Variants in ST3GAL6 observed in about 807,000 individuals in gnomAD.
ST3GAL6 encodes type 2 lactosamine alpha-2,3-sialyltransferase.
A neutral mutation model predicts 40.5 loss-of-function variants in ST3GAL6; 31 were observed. The observed-to-expected ratio is 0.77, with a 90% CI of 0.58 to 1.03. The LOEUF (loss-of-function observed/expected upper bound fraction) is 1.03. Ranked by LOEUF, ST3GAL6 falls within the 50% of genes least tolerant of loss-of-function variation. The probability of loss-of-function intolerance (pLI) is 0.00; values close to 1 mark genes in which losing one functional copy is unlikely to be tolerated. For synonymous variants in ST3GAL6, 129 were observed against 136.9 expected (o/e 0.94, Z 0.40); for missense variants, 357 against 393.2 (o/e 0.91, Z 0.78).
rs769443461 is a variant in ST3GAL6, at chr3:98,788,009, A to G, written c.432-27A>G. The G allele has an allele frequency of 4.4e-6, 7 of 1,596,058 alleles. No homozygotes were observed. The Admixed American group carries it at 5.1e-5, about 12-fold the overall frequency. On this transcript the variant is annotated intron_variant, in intron 6 of 9. Coordinates refer to ENST00000483910, the MANE Select transcript of ST3GAL6 (RefSeq NM_001323368.2). ...ATGGCAGATACTGCACTTGGTCTAC[A>G]TATCTTGTATGTTTTACTATCCACA...
At chr3:98,788,854 A>G (rs1416718384) in intron 8 of ST3GAL6, among the ~76,000 whole-genome samples, 3 of 152,222 alleles carry the variant, frequency 2.0e-5, no homozygotes, top group African/African-American at 7.2e-5. Flanking sequence ...TGCAGGCTAA[A>G]AAGAAGTGTC....
intron 6 of ST3GAL6, among the ~76,000 whole-genome samples, chr3:98,785,571 C>T (rs1940623473): frequency 6.6e-6 from 1 of 152,120 alleles, no homozygotes; most frequent in Non-Finnish European, 1.5e-5. Context: ...CAAAGAAACC[C>T]AGTGAAGCTG....
upstream of ST3GAL6, among the ~76,000 whole-genome samples, chr3:98,761,092 G>A (rs911300557): frequency 1.3e-5 from 2 of 152,138 alleles, no homozygotes; most frequent in Middle Eastern, 3.2e-3. Flanking sequence ...GAGGAACAAA[G>A]GAACTTTTGA....
chr3:98,778,857 C>A (rs556525071), intron 5 of ST3GAL6, among the ~76,000 whole-genome samples: 2 of 152,206 alleles, frequency 1.3e-5, no homozygotes, highest in Non-Finnish European at 2.9e-5. Flanking sequence ...ATTTAAACTA[C>A]GTGGACATTT....
intron 5 of ST3GAL6, chr3:98,782,582 C>T: frequency 1.9e-6 from 1 of 521,218 alleles, no homozygotes. Flanking sequence ...CTCCTGCTTC[C>T]AGCACTGTCC....
rs558329772 is a variant in ST3GAL6 at position 98,764,083 on chromosome 3, C to T, written c.-12+644C>T. Reference sequence around the variant, plus strand: ...GTGAGGTTTGTGTGTGCTCAGCATCCGGAATAGAGAACGCCAAGGGTCTTT... The same window carrying T: ...GTGAGGTTTGTGTGTGCTCAGCATCTGGAATAGAGAACGCCAAGGGTCTTT... On this transcript the variant is annotated intron_variant, in intron 1 of 9. Coordinates refer to ENST00000483910, the MANE Select transcript of ST3GAL6 (RefSeq NM_001323368.2). 3.3e-5 allele frequency among the ~76,000 whole-genome samples: 5 copies of T among 152,184 alleles called. No homozygotes were observed. In the East Asian group the frequency reaches 5.8e-4, roughly 18 times the overall value.
chr3:98,782,988 G>A lies in ST3GAL6; in HGVS notation c.336-1957G>A, dbSNP rs79848049. 1,390 of 320,190 alleles carry A rather than the reference G, an allele frequency of 4.3e-3. 14 individuals carry two copies. Among genetic ancestry groups the A allele is most frequent in the African/African-American group, 0.028 (1,272 of 44,720 alleles). The allele number at this position is 320,190 out of a possible 1,614,324, so 19.8% of individuals were successfully genotyped here. A position where few individuals can be genotyped will look rare whatever the true frequency, so the allele number is the denominator to read the frequency against. On this transcript the variant is annotated intron_variant, in intron 5 of 9. Transcript: ENST00000483910. ...CAGAAGGTGCCCATGTGTGACAAAT[G>A]TGGTCCTGGCATTGTAGGCATGTTT...
chr3:98,777,354 G>A (rs534092895), intron 5 of ST3GAL6, among the ~76,000 whole-genome samples: 2 of 152,174 alleles, frequency 1.3e-5, no homozygotes, highest in East Asian at 1.9e-4. Context: ...GAGAGTATTC[G>A]TACCATGGGA....
chr3:98,786,681 A>AGG (rs148706479), intron 6 of ST3GAL6, among the ~76,000 whole-genome samples: 2 of 149,756 alleles, frequency 1.3e-5, no homozygotes, highest in African/African-American at 4.9e-5. Context: ...TTATGCAATC[A>AGG]GGGTTTTTTT....
At chr3:98,762,574 C>T (rs979625675), upstream of ST3GAL6, 2 of 219,322 alleles carry the variant, frequency 9.1e-6, no homozygotes, top group African/African-American at 4.7e-5. Context: ...CTTAGGATTT[C>T]TCTCTTTAAT....
intron 4 of ST3GAL6, 24 bp from the exon 5 acceptor site, chr3:98,773,896 C>T (rs1939262404): frequency 1.2e-6 from 2 of 1,601,886 alleles, no homozygotes; most frequent in Non-Finnish European, 1.7e-6. Flanking sequence ...TCCTTTTATT[C>T]ATAACACTCC....
At chr3:98,752,578 TCTC>T (rs1937090090) in intron 1 of ST3GAL6, among the ~76,000 whole-genome samples, 1 of 152,106 alleles carries the variant, frequency 6.6e-6, no homozygotes, top group Non-Finnish European at 1.5e-5. Flanking sequence ...TTCATGCCAT[TCTC>T]CTGCCTCAGC....
At chr3:98,767,554 A>T (rs1938495144) in intron 1 of ST3GAL6, among the ~76,000 whole-genome samples, 11 of 152,240 alleles carry the variant, frequency 7.2e-5, no homozygotes, top group Admixed American at 7.2e-4. Flanking sequence ...ACAGAGAAGC[A>T]GTGTACCTGT....
intron 1 of ST3GAL6, among the ~76,000 whole-genome samples, chr3:98,750,072 T>C (rs1238058111): frequency 6.6e-6 from 1 of 152,250 alleles, no homozygotes; most frequent in East Asian, 1.9e-4. Flanking sequence ...CATGATTTTT[T>C]TTTAACAGAA....
intron 5 of ST3GAL6, among the ~76,000 whole-genome samples, chr3:98,776,505 G>A (rs959945569): frequency 2.6e-5 from 4 of 152,224 alleles, no homozygotes; most frequent in Non-Finnish European, 4.4e-5. Flanking sequence ...ACACGTCCAA[G>A]GAGGAAGGTA....
intron 8 of ST3GAL6, 81 bp from the exon 9 acceptor site, chr3:98,791,760 A>G (rs1559757777): frequency 1.6e-6 from 2 of 1,284,768 alleles, no homozygotes; most frequent in Non-Finnish European, 2.2e-6. Context: ...TCCCTGTTTT[A>G]TATGATTCAG....
At chr3:98,790,587 C>T (rs1941112832) in intron 8 of ST3GAL6, among the ~76,000 whole-genome samples, 1 of 152,114 alleles carries the variant, frequency 6.6e-6, no homozygotes, top group Non-Finnish European at 1.5e-5. Context: ...ATACTTACTG[C>T]CTGTTTGAGA....
chr3:98,752,854 A>G (rs1011378826), intron 1 of ST3GAL6, among the ~76,000 whole-genome samples: 2 of 152,172 alleles, frequency 1.3e-5, no homozygotes, highest in African/African-American at 2.4e-5. Flanking sequence ...CGTAATCTAT[A>G]AATGTTTATG....
chr3:98,785,895 G>C (rs1940656432), intron 6 of ST3GAL6, among the ~76,000 whole-genome samples: 1 of 152,138 alleles, frequency 6.6e-6, no homozygotes, highest in Non-Finnish European at 1.5e-5. Context: ...TGGACTGACT[G>C]AAGATGTGTT....
Sources: gnomAD v4.1 joint callset for allele counts (sites outside exome capture counted in the v4.1 genomes callset) on GRCh38, gnomAD v4.1.1 for gene constraint, MANE v1.5 for transcripts, NCBI Gene and HGNC (gene_info 2026-07-23, HGNC 2026-07-21) for gene names.